Variants in XXYLT1 observed in about 807,000 individuals in gnomAD.
XXYLT1 encodes the protein xyloside xylosyltransferase 1, also known as UDP-xylose:alpha-xyloside alpha-1,3-xylosyltransferase.
Under a neutral mutation model 28.9 loss-of-function variants are expected in XXYLT1, and 20 were observed. The ratio of observed to expected loss-of-function variants is 0.69; its 90% CI spans 0.49 to 1.00. XXYLT1 has a LOEUF of 1.00. Among genes scored for constraint, XXYLT1 ranks in the 50% least tolerant of loss-of-function variants. The pLI is 0.00. For missense variants in XXYLT1, 542 were observed against 560.1 expected (o/e 0.97, Z 0.33); for synonymous variants, 257 against 253.8 (o/e 1.01, Z -0.12).
rs1323266405 is a variant in XXYLT1 at position 195,259,609 on chromosome 3, G to A, written c.504+10946C>T. 3.0e-6 allele frequency: 3 copies of A among 985,362 alleles called. No homozygotes were observed. The East Asian group carries it at 3.4e-4, about 112-fold the overall frequency. The allele number at this position is 985,362 out of a possible 1,614,324, so 61.0% of individuals were successfully genotyped here. A position where few individuals can be genotyped will look rare whatever the true frequency, so the allele number is the denominator to read the frequency against. On this transcript the variant is annotated intron_variant, in intron 1 of 3. Transcript: ENST00000310380. ...CTGGGAAGCCCTCATCTCACCGCGA[G>A]GACAGTCGCGTGCGACAGGCCTGTA...
intron 2 of XXYLT1, among the ~76,000 whole-genome samples, chr3:195,201,980 C>T (rs1722869409): frequency 1.3e-5 from 2 of 152,128 alleles, no homozygotes; most frequent in Non-Finnish European, 2.9e-5. Context: ...AGTTCAAGAC[C>T]AGCCTGACCA....
intron 1 of XXYLT1, among the ~76,000 whole-genome samples, chr3:195,241,326 C>T (rs1010555039): frequency 1.3e-5 from 2 of 152,176 alleles, no homozygotes; most frequent in Non-Finnish European, 2.9e-5. Context: ...AATTAGGGCA[C>T]AGCTATTCTG....
intron 1 of XXYLT1, among the ~76,000 whole-genome samples, chr3:195,237,906 C>T (rs112941588): frequency 5.8e-4 from 88 of 152,230 alleles, no homozygotes; most frequent in African/African-American, 2.0e-3. Context: ...GTTTCTCATT[C>T]CCACACCCCT....
At chr3:195,140,183 CAG>C (rs1445825459) in intron 3 of XXYLT1, among the ~76,000 whole-genome samples, 1 of 152,206 alleles carries the variant, frequency 6.6e-6, no homozygotes, top group Admixed American at 6.5e-5. Context: ...CACTTTTGAG[CAG>C]AGTTACCTCA....
intron 3 of XXYLT1, among the ~76,000 whole-genome samples, chr3:195,097,083 C>T (rs958105116): frequency 6.6e-6 from 1 of 152,184 alleles, no homozygotes; most frequent in Non-Finnish European, 1.5e-5. Flanking sequence ...CTTCCCATGT[C>T]CCTGTTGTCT....
At chr3:195,095,206 C>T (rs954981708) in intron 3 of XXYLT1, 1 of 152,640 alleles carries the variant, frequency 6.6e-6, no homozygotes, top group African/African-American at 2.4e-5. Flanking sequence ...GTGAGGGCTG[C>T]ATGAGGTAAT....
At chr3:195,261,686 G>A (rs576435391) in intron 1 of XXYLT1, among the ~76,000 whole-genome samples, 1 of 152,088 alleles carries the variant, frequency 6.6e-6, no homozygotes, top group African/African-American at 2.4e-5. Flanking sequence ...GTTTTTTGGG[G>A]TTTTTTTAAG....
chr3:195,143,855 G>GAT (rs1311963025), intron 3 of XXYLT1, among the ~76,000 whole-genome samples: 18 of 75,468 alleles, frequency 2.4e-4, no homozygotes, highest in African/African-American at 7.3e-4. Context: ...TATATATATA[G>GAT]ATATATATAG....
chr3:195,155,196 C>T (rs908166629), intron 3 of XXYLT1, among the ~76,000 whole-genome samples: 50 of 152,200 alleles, frequency 3.3e-4, no homozygotes, highest in African/African-American at 1.2e-3. Context: ...TGCAAATAGC[C>T]ACAACCGAGC....
Position 195,209,138 on chromosome 3 carries a change from C to T in XXYLT1, c.652+17571G>A, listed in dbSNP as rs1723199877. On this transcript the variant is annotated intron_variant, in intron 2 of 3. Transcript: ENST00000310380. This position sits in a 1 kb window ranked among gnomAD's most constrained non-coding sequence, Gnocchi z 5.0. ...AAGCTATCTCCCAGAGTGTAAGATG[C>T]CAGTGGGGTTAGGACAGGAACCGGC... is the stretch of plus-strand genomic sequence containing the variant. 6.6e-6 allele frequency among the ~76,000 whole-genome samples: 1 copy of T among 152,210 alleles called. No homozygotes were observed. The highest frequency in any genetic ancestry group is 2.4e-5 in the African/African-American group (1 of 41,464).
intron 3 of XXYLT1, among the ~76,000 whole-genome samples, chr3:195,126,296 G>A (rs1178209234): frequency 6.6e-6 from 1 of 152,206 alleles, no homozygotes. Context: ...TGGGGTATTC[G>A]TTACCGCACC....
At chr3:195,169,125 C>T (rs1577103035) in intron 2 of XXYLT1, among the ~76,000 whole-genome samples, 1 of 151,876 alleles carries the variant, frequency 6.6e-6, no homozygotes, top group African/African-American at 2.4e-5. Context: ...CCTCTAAAGG[C>T]TCAGCCTGGC....
intron 3 of XXYLT1, among the ~76,000 whole-genome samples, chr3:195,139,332 A>G (rs1009356394): frequency 6.2e-5 from 9 of 144,758 alleles, no homozygotes; most frequent in Non-Finnish European, 1.2e-4. Context: ...TCTGGCTAAG[A>G]CCTTCTAAGA....
chr3:195,261,754 T>C (rs534985151), intron 1 of XXYLT1, among the ~76,000 whole-genome samples: 1 of 152,330 alleles, frequency 6.6e-6, no homozygotes, highest in East Asian at 1.9e-4. Flanking sequence ...TAGTTGTCCT[T>C]AGCAACATGT....
At chr3:195,167,518 G>A (rs1721189025) in intron 2 of XXYLT1, among the ~76,000 whole-genome samples, 1 of 152,158 alleles carries the variant, frequency 6.6e-6, no homozygotes, top group Admixed American at 6.5e-5. Context: ...TTGAACCCAG[G>A]AGGCGGAAGT....
intron 3 of XXYLT1, among the ~76,000 whole-genome samples, chr3:195,143,816 A>ATATATATTTTTTTTTT (rs1491248351): frequency 2.5e-5 from 2 of 78,946 alleles, no homozygotes; most frequent in Non-Finnish European, 4.9e-5. Flanking sequence ...ATATATATAG[A>ATATATATTTTTTTTTT]TATAGATATA....
chr3:195,148,720 T>C (rs1273482072), intron 3 of XXYLT1, among the ~76,000 whole-genome samples: 1 of 152,092 alleles, frequency 6.6e-6, no homozygotes, highest in African/African-American at 2.4e-5. Context: ...TGGCTAGAGG[T>C]TAGTGCTGCC....
chr3:195,189,801 C>G (rs142335692), intron 2 of XXYLT1, among the ~76,000 whole-genome samples: 17 of 152,126 alleles, frequency 1.1e-4, no homozygotes, highest in African/African-American at 4.1e-4. Context: ...AAAAAAATGA[C>G]AGAAAATTTC....
At chr3:195,140,327 T>C (rs1327761435) in intron 3 of XXYLT1, among the ~76,000 whole-genome samples, 1 of 152,188 alleles carries the variant, frequency 6.6e-6, no homozygotes, top group Non-Finnish European at 1.5e-5. Context: ...ATCCTTCCTA[T>C]TCAACCCATG....
Sources: allele counts gnomAD v4.1 joint callset (sites outside exome capture counted in the v4.1 genomes callset), GRCh38; gene constraint gnomAD v4.1.1; non-coding constraint Gnocchi (gnomAD v3.1); transcripts MANE v1.5; gene names NCBI Gene and HGNC (gene_info 2026-07-23, HGNC 2026-07-21).